Variants in ST6GAL1 observed in about 807,000 individuals in gnomAD.
ST6GAL1 encodes the protein beta-galactoside alpha-2,6-sialyltransferase 1.
A neutral mutation model predicts 38.0 loss-of-function variants in ST6GAL1; 20 were observed. The ratio of observed to expected loss-of-function variants is 0.53; its 90% CI spans 0.37 to 0.77. The LOEUF is 0.77. ST6GAL1 is among the 30% of genes least tolerant of loss of function. The pLI is 0.00. For missense variants in ST6GAL1, 432 were observed against 496.4 expected, an observed-to-expected ratio of 0.87 and a Z score of 1.23; for synonymous variants, 196 against 188.2, an observed-to-expected ratio of 1.04 and a Z score of -0.34.
rs9875079 is a variant in ST6GAL1 at position 187,076,945 on chromosome 3, C to A, written c.*1142C>A. The A allele has an allele frequency of 0.15, 60,101 of 397,920 alleles. 5,255 individuals carry two copies. The highest frequency in any genetic ancestry group is 0.28 in the African/African-American group (13,355 of 48,226). 24.6% of individuals were successfully genotyped at this position (397,920 alleles called of 1,614,324 possible). A position where few individuals can be genotyped will look rare whatever the true frequency, so the allele number is the denominator to read the frequency against. Reference sequence around the variant, plus strand: ...CAGTCCCATTCTTCCTTTTCAATACCTACCCCCAAATCTTCTCCTAACCAC... The same window carrying A: ...CAGTCCCATTCTTCCTTTTCAATACATACCCCCAAATCTTCTCCTAACCAC... On this transcript the variant is annotated 3_prime_UTR_variant, in exon 8 of 8. Coordinates refer to ENST00000169298, the MANE Select transcript of ST6GAL1 (RefSeq NM_173216.2).
intron 2 of ST6GAL1, among the ~76,000 whole-genome samples, chr3:187,000,398 A>G (rs1579311125): frequency 2.0e-5 from 1 of 51,268 alleles, no homozygotes; most frequent in Admixed American, 1.8e-4. Flanking sequence ...AAAAATACAA[A>G]AAAAAAAAAA....
rs560570924 is a variant in ST6GAL1, at chr3:187,004,927, C to T, written c.-182-33815C>T. Among the ~76,000 whole-genome samples, 13 of 152,268 alleles carry T rather than the reference C, an allele frequency of 8.5e-5. No homozygotes were observed. The South Asian group carries it at 1.2e-3, about 15-fold the overall frequency. On this transcript the variant is annotated intron_variant, in intron 2 of 7. Transcript: ENST00000169298. ...CTTTCTCCTCTTCTTCCTTTCATTACTCAGCACTTATTGAGTGCCAGGGCA... is the reference window on the plus strand; with the variant it reads ...CTTTCTCCTCTTCTTCCTTTCATTATTCAGCACTTATTGAGTGCCAGGGCA...
At chr3:187,023,047 G>A (rs1385680901) in intron 2 of ST6GAL1, among the ~76,000 whole-genome samples, 1 of 152,166 alleles carries the variant, frequency 6.6e-6, no homozygotes, top group African/African-American at 2.4e-5. Context: ...GGTATGATGA[G>A]GGTGTAACCT....
At position 186,995,006 on chromosome 3, in the gene ST6GAL1, ATAAG is replaced by A. The variant is rs527465453; in HGVS notation, c.-183+31095_-183+31098del. Among the ~76,000 whole-genome samples, 162 of 152,246 alleles carry A rather than the reference ATAAG, an allele frequency of 1.1e-3. 1 individual carries two copies. Among genetic ancestry groups the A allele is most frequent in the Middle Eastern group, 3.4e-3 (1 of 294 alleles). On this transcript the variant is annotated intron_variant, in intron 2 of 7. Transcript: ENST00000169298. The stretch of plus-strand genomic sequence containing the variant: ...TACAAGATACTATTATCACATTCAA[ATAAG>A]TAAGTAAGTAAGTATTCCTTAATAC...
intron 2 of ST6GAL1, among the ~76,000 whole-genome samples, chr3:187,027,391 T>C (rs1717579646): frequency 6.6e-6 from 1 of 151,848 alleles, no homozygotes; most frequent in African/African-American, 2.4e-5. Context: ...ATTTCCAACT[T>C]CCCCCCAATA....
At chr3:186,999,901 G>A (rs1345736309) in intron 2 of ST6GAL1, among the ~76,000 whole-genome samples, 3 of 146,694 alleles carry the variant, frequency 2.0e-5, no homozygotes, top group Non-Finnish European at 3.0e-5. Context: ...GGCTGGAGTG[G>A]CTATTGTAGT....
At chr3:186,998,246 A>G (rs1162210973) in intron 2 of ST6GAL1, among the ~76,000 whole-genome samples, 1 of 152,222 alleles carries the variant, frequency 6.6e-6, no homozygotes, top group African/African-American at 2.4e-5. Flanking sequence ...AAGAAAAAGA[A>G]AGAAAATCCA....
chr3:187,009,295 A>G (rs7643068), intron 2 of ST6GAL1, among the ~76,000 whole-genome samples: 131,330 of 152,080 alleles, frequency 0.86, 56,774 homozygotes, highest in East Asian at 0.9. Flanking sequence ...TTAAAGGTAC[A>G]TAATTACATG....
At position 187,075,575 on chromosome 3, in the gene ST6GAL1, G is replaced by C. The variant is rs141298571; in HGVS notation, c.993G>C (p.Met331Ile). The C allele has an allele frequency of 1.9e-5, 30 of 1,614,182 alleles. No homozygotes were observed. The highest frequency in any genetic ancestry group is 5.3e-5 in the African/African-American group (4 of 75,058). Reference protein sequence around the residue: ...PSSGMLGIIIMMTLCDQVDIY... With the variant: ...PSSGMLGIIIIMTLCDQVDIY... Reference sequence around the variant, plus strand: ...TCCCCTCTCCAGGTATCATCATCATGATGACGCTGTGTGACCAGGTGGATA... The same window carrying C: ...TCCCCTCTCCAGGTATCATCATCATCATGACGCTGTGTGACCAGGTGGATA... The change falls in exon 8 of 8, where the codon ATG becomes ATC. Residue 331 changes from methionine to isoleucine, a missense_variant. Coordinates refer to ENST00000169298, the MANE Select transcript of ST6GAL1 (RefSeq NM_173216.2). The surrounding 1 kb of genome is among the most constrained non-coding windows in gnomAD (Gnocchi z 4.1).
intron 5 of ST6GAL1, among the ~76,000 whole-genome samples, chr3:187,070,210 A>T (rs575008303): frequency 1.3e-5 from 2 of 152,154 alleles, no homozygotes; most frequent in Admixed American, 1.3e-4. Context: ...TATTTCAGGG[A>T]GTCTATTTTA....
rs1408563804 is a variant in ST6GAL1 at position 187,078,351 on chromosome 3, G to C, written c.*2548G>C. 6.6e-6 allele frequency: 1 copy of C among 152,126 alleles called. No homozygotes were observed. Among genetic ancestry groups the C allele is most frequent in the Non-Finnish European group, 1.5e-5 (1 of 68,040 alleles). 9.4% of individuals were successfully genotyped at this position (152,126 alleles called of 1,614,324 possible). ...AATTTAAAAATTATGAGTTAATGCT[G>C]CCTGTGTCTATGGGGTTCTGTCTTC... On this transcript the variant is annotated 3_prime_UTR_variant, in exon 8 of 8. Transcript: ENST00000169298.
intron 1 of ST6GAL1, chr3:186,931,466 AG>A (rs1368379595): frequency 1.3e-5 from 2 of 152,302 alleles, no homozygotes; most frequent in African/African-American, 4.8e-5. Flanking sequence ...AGCTACAAAA[AG>A]GTTACTCCAG....
intron 1 of ST6GAL1, among the ~76,000 whole-genome samples, chr3:186,956,417 C>G (rs551068002): frequency 6.6e-6 from 1 of 152,016 alleles, no homozygotes; most frequent in Admixed American, 6.6e-5. Context: ...AGGCTCTTTC[C>G]AGGAACATGC....
intron 2 of ST6GAL1, among the ~76,000 whole-genome samples, chr3:187,028,865 A>C (rs1002933740): frequency 1.3e-5 from 2 of 152,082 alleles, no homozygotes; most frequent in Non-Finnish European, 2.9e-5. Context: ...TATTTCCTAA[A>C]AACTGGAATT....
chr3:186,943,435 T>A (rs1395252916), intron 1 of ST6GAL1, among the ~76,000 whole-genome samples: 1 of 152,176 alleles, frequency 6.6e-6, no homozygotes, highest in East Asian at 1.9e-4. Context: ...ACTATTATTA[T>A]CTCAATTTTT....
At chr3:186,989,719 T>C (rs966203591) in intron 2 of ST6GAL1, among the ~76,000 whole-genome samples, 19 of 152,210 alleles carry the variant, frequency 1.2e-4, no homozygotes, top group African/African-American at 4.3e-4. Flanking sequence ...AACATATCAA[T>C]TTGAGTTTAT....
intron 2 of ST6GAL1, among the ~76,000 whole-genome samples, chr3:186,985,902 G>GGAAGCTGGTCCCAGGGGAGGC (rs1715903197): frequency 1.3e-5 from 2 of 152,248 alleles, no homozygotes; most frequent in African/African-American, 4.8e-5. Context: ...AGGACTGGCA[G>GGAAGCTGGTCCCAGGGGAGGC]GAAGCTGGTC....
intron 1 of ST6GAL1, among the ~76,000 whole-genome samples, chr3:186,947,489 G>A (rs34244342): frequency 0.17 from 25,846 of 152,016 alleles, 2,560 homozygotes; most frequent in Admixed American, 0.2. Flanking sequence ...AACACAAAAT[G>A]TAAAAATAAT....
Position 186,987,145 on chromosome 3 carries a change from G to A in ST6GAL1, c.-183+23219G>A, listed in dbSNP as rs1715955042. ...ATAGGAAAGGAAGGAAAGAAAGAAG[G>A]AAGGGAGGGAGGGAGGAAGAAAGAG... On this transcript the variant is annotated intron_variant, in intron 2 of 7. Transcript: ENST00000169298. Among the ~76,000 whole-genome samples, 3 of 139,960 alleles carry A rather than the reference G, an allele frequency of 2.1e-5. No individual in the cohort carries two copies. In the South Asian group the frequency reaches 7.7e-4, roughly 36 times the overall value. 91.8% of individuals were successfully genotyped at this position (139,960 alleles called of 152,430 possible). A position where few individuals can be genotyped will look rare whatever the true frequency, so the allele number is the denominator to read the frequency against.
Sources: allele counts gnomAD v4.1 joint callset (sites outside exome capture counted in the v4.1 genomes callset), GRCh38; gene constraint gnomAD v4.1.1; non-coding constraint Gnocchi (gnomAD v3.1); transcripts MANE v1.5; gene names NCBI Gene and HGNC (gene_info 2026-07-23, HGNC 2026-07-21).